Variants in ANKRD17 observed in about 807,000 individuals in gnomAD.
ANKRD17 encodes ankyrin repeat domain 17, also known as ankyrin repeat domain-containing protein 17.
A neutral mutation model predicts 229.7 loss-of-function variants in ANKRD17; 19 were observed. The ratio of observed to expected loss-of-function variants is 0.08; its 90% confidence interval spans 0.06 to 0.12. The LOEUF is 0.12. Ranked by LOEUF, ANKRD17 falls within the 10% of genes least tolerant of loss-of-function variation. The pLI is 1.00. For synonymous variants in ANKRD17, 1,112 were observed against 1,146.1 expected, an observed-to-expected ratio of 0.97 and a Z score of 0.60; for missense variants, 2,176 against 3,176.8, an observed-to-expected ratio of 0.68 and a Z score of 7.57.
chr4:73,226,330 T>C lies in ANKRD17; in HGVS notation c.393+31946A>G, dbSNP rs545808702. ...GATAAGAGAATTGTCTGATATCCAC[T>C]ACAGTATCCTAATACCTTTTAAATT... is the stretch of plus-strand genomic sequence containing the variant. On this transcript the variant is annotated intron_variant, in intron 1 of 33. Coordinates refer to ENST00000358602, the MANE Select transcript of ANKRD17 (RefSeq NM_032217.5). 2.3e-3 allele frequency among the ~76,000 whole-genome samples: 351 copies of C among 150,374 alleles called. 3 individuals carry two copies. Among genetic ancestry groups the C allele is most frequent in the African/African-American group, 7.9e-3 (325 of 41,104 alleles).
intron 24 of ANKRD17, among the ~76,000 whole-genome samples, chr4:73,111,284 G>A (rs1004624627): frequency 6.6e-6 from 1 of 151,996 alleles, no homozygotes; most frequent in Non-Finnish European, 1.5e-5. Flanking sequence ...TTGCACTTTG[G>A]GGCCATTATT....
At chr4:73,203,413 C>T (rs879666119) in intron 1 of ANKRD17, among the ~76,000 whole-genome samples, 7 of 151,966 alleles carry the variant, frequency 4.6e-5, no homozygotes, top group Non-Finnish European at 2.9e-5. Flanking sequence ...TATCTAAAAA[C>T]GTGTAACTGG....
At chr4:73,163,867 AAACT>A (rs772005453) in intron 2 of ANKRD17, among the ~76,000 whole-genome samples, 6 of 152,234 alleles carry the variant, frequency 3.9e-5, no homozygotes, top group African/African-American at 7.2e-5. Context: ...TTTAATAAAA[AAACT>A]AACATAGCAA....
At position 73,098,405 on chromosome 4, in the gene ANKRD17, A is replaced by C. The variant is rs371735043; in HGVS notation, c.4689T>G (p.Thr1563=). The C allele has an allele frequency of 1.4e-5, 22 of 1,614,088 alleles. No individual in the cohort carries two copies. In the African/African-American group the frequency reaches 1.9e-4, roughly 14 times the overall value. The change falls in exon 26 of 34, where the codon ACT becomes ACG. Residue 1563 remains threonine (T), a synonymous_variant. Coordinates refer to ENST00000358602, the MANE Select transcript of ANKRD17 (RefSeq NM_032217.5). ...GSHGKRNNTI[T]TTSSKRKNRK... ...TGTTTTTCCTCTTTGAACTGGTTGTAGTTATGGTATTATTTCTTTTACCAT... is the reference window on the plus strand; with the variant it reads ...TGTTTTTCCTCTTTGAACTGGTTGTCGTTATGGTATTATTTCTTTTACCAT...
At chr4:73,131,026 CA>C (rs1446472520) in intron 16 of ANKRD17, among the ~76,000 whole-genome samples, 1 of 152,040 alleles carries the variant, frequency 6.6e-6, no homozygotes, top group African/African-American at 2.4e-5. Flanking sequence ...AAAATAAACA[CA>C]AAGGTCAGAG....
chr4:73,096,357 TGAAA>T (rs1478678513), intron 27 of ANKRD17, among the ~76,000 whole-genome samples: 5 of 151,916 alleles, frequency 3.3e-5, no homozygotes, highest in Admixed American at 2.0e-4. Flanking sequence ...TGTGAAGGAG[TGAAA>T]GAAAGAATGT....
chr4:73,137,982 A>T lies in ANKRD17; in HGVS notation c.3085+1549T>A, dbSNP rs185983931. On this transcript the variant is annotated intron_variant, in intron 15 of 33. Transcript: ENST00000358602. ...TAAACTCTGATATTATATAAAAAAA[A>T]TTTTTTTAAACAACCATTACTGTGT... 7.0e-3 allele frequency among the ~76,000 whole-genome samples: 1,067 copies of T among 152,218 alleles called. 14 individuals carry two copies. Among genetic ancestry groups the T allele is most frequent in the Non-Finnish European group, 0.012 (787 of 67,990 alleles).
At chr4:73,086,879 C>T (rs1236266802) in intron 29 of ANKRD17, among the ~76,000 whole-genome samples, 1 of 98,438 alleles carries the variant, frequency 1.0e-5, no homozygotes, top group African/African-American at 4.1e-5. Context: ...GCCTGGGCGT[C>T]CGAGTGAGAC....
chr4:73,107,256 G>T (rs1724755429), intron 24 of ANKRD17, among the ~76,000 whole-genome samples: 1 of 152,198 alleles, frequency 6.6e-6, no homozygotes, highest in South Asian at 2.1e-4. Context: ...CCTAAAAGTA[G>T]CATCAAGATT....
Position 73,177,461 on chromosome 4 carries a change from A to G in ANKRD17, c.466T>C (p.Ser156Pro). ...MLETASKLLL[S>P]GTADGADLRT... ...AGGTCTGCACCATCAGCAGTACCTG[A>G]TAAGAGCAACTTGGAAGCTGTTTCC... The change falls in exon 2 of 34, where the codon TCA becomes CCA. Residue 156 changes from serine to proline, a missense_variant. Ser to Pro is a moderately conservative substitution (Grantham distance 74). Around this residue, in one of 18 missense-constraint regions of ANKRD17, gnomAD observed 184 missense variants for 357.8 expected, o/e 0.51. Transcript: ENST00000358602. 1 of 1,613,874 alleles carries G rather than the reference A, an allele frequency of 6.2e-7. No homozygotes were observed. The highest frequency in any genetic ancestry group is 8.5e-7 in the Non-Finnish European group (1 of 1,179,842).
intron 1 of ANKRD17, among the ~76,000 whole-genome samples, chr4:73,226,389 GTTTTTTTTTTTT>G (rs1157719883): frequency 1.1e-5 from 1 of 87,612 alleles, no homozygotes; most frequent in Non-Finnish European, 2.1e-5. Flanking sequence ...CTTTTCTTCT[GTTTTTTTTTTTT>G]TTTTTTTTTT....
In ANKRD17 at chr4:73,204,764, G is replaced by T. The variant is rs1440406812; in HGVS notation, c.394-27231C>A. Among the ~76,000 whole-genome samples the T allele has an allele frequency of 2.6e-5, 4 of 152,126 alleles. No homozygotes were observed. The East Asian group carries it at 7.7e-4, about 29-fold the overall frequency. On this transcript the variant is annotated intron_variant, in intron 1 of 33. Transcript: ENST00000358602. The stretch of plus-strand genomic sequence containing the variant: ...AAGGAATGAAATATACTGTCGTAAG[G>T]TTCTTAATATTTTCGGGAAGTGGTA...
chr4:73,140,092 G>C lies in ANKRD17; in HGVS notation c.2524C>G (p.Gln842Glu). The change falls in exon 15 of 34, where the codon CAA becomes GAA. Residue 842 changes from glutamine (Q) to glutamate (E), a missense_variant. By Grantham distance (29) the Gln-to-Glu change is conservative. Around this residue, in one of 18 missense-constraint regions of ANKRD17, gnomAD observed 275 missense variants for 386.9 expected, o/e 0.71. Transcript: ENST00000358602. ...TCCTCGATCTTCTCCTTGGTAAGTT[G>C]GTCAGCATGAGCCAGTTCCAAGGAC... ...LQSLELAHAD[Q>E]LTKEKIEELN... 1.9e-6 allele frequency: 3 copies of C among 1,614,098 alleles called. No homozygotes were observed. The highest frequency in any genetic ancestry group is 1.3e-5 in the African/African-American group (1 of 75,002).
intron 15 of ANKRD17, among the ~76,000 whole-genome samples, chr4:73,137,374 G>A (rs996054721): frequency 3.9e-5 from 6 of 152,124 alleles, no homozygotes; most frequent in Admixed American, 2.0e-4. Context: ...AAAGACAGAC[G>A]ATTTTGGTCA....
At chr4:73,134,785 A>G (rs1309233904) in intron 16 of ANKRD17, among the ~76,000 whole-genome samples, 1 of 152,152 alleles carries the variant, frequency 6.6e-6, no homozygotes, top group Non-Finnish European at 1.5e-5. Context: ...AATCCATTAT[A>G]TATTTCAAAC....
intron 15 of ANKRD17, among the ~76,000 whole-genome samples, chr4:73,138,246 T>G (rs1338464754): frequency 6.6e-6 from 1 of 152,132 alleles, no homozygotes; most frequent in East Asian, 1.9e-4. Flanking sequence ...AGAAAAATTT[T>G]GCACTCATCA....
intron 30 of ANKRD17, among the ~76,000 whole-genome samples, chr4:73,082,142 A>G (rs1721631406): frequency 7.6e-6 from 1 of 131,728 alleles, no homozygotes; most frequent in Non-Finnish European, 1.6e-5. Context: ...AGAGAGATAC[A>G]TTATCTTTTT....
intron 1 of ANKRD17, among the ~76,000 whole-genome samples, chr4:73,239,161 G>C (rs1355332799): frequency 1.3e-5 from 2 of 152,160 alleles, no homozygotes; most frequent in African/African-American, 4.8e-5. Context: ...GAACAGAGAT[G>C]AACAGGGCTT....
intron 1 of ANKRD17, among the ~76,000 whole-genome samples, chr4:73,204,541 C>A (rs958227007): frequency 3.9e-5 from 6 of 151,922 alleles, no homozygotes; most frequent in African/African-American, 1.2e-4. Flanking sequence ...AAAGTAAATT[C>A]TTCAAGTGGA....
Sources: allele counts gnomAD v4.1 joint callset (sites outside exome capture counted in the v4.1 genomes callset), GRCh38; gene constraint gnomAD v4.1.1; regional missense constraint gnomAD v4.1.1; transcripts MANE v1.5; gene names NCBI Gene and HGNC (gene_info 2026-07-23, HGNC 2026-07-21).